GABRP: variants seen among roughly 807,000 people sequenced by gnomAD.
The protein encoded by GABRP is gamma-aminobutyric acid type A receptor subunit pi, also known as gamma-aminobutyric acid receptor subunit pi.
In GABRP, 52 loss-of-function variants were observed where a neutral mutation model predicts 47.8. The ratio of observed to expected loss-of-function variants is 1.09; its 90% CI spans 0.87 to 1.37. The LOEUF is 1.37. Among genes scored for constraint, GABRP ranks in the 40% most tolerant of loss-of-function variants. GABRP has a pLI of 0.00. For missense variants in GABRP, 525 were observed against 542.8 expected (o/e 0.97, Z 0.33); for synonymous variants, 221 against 205.8 (o/e 1.07, Z -0.63).
rs1765062352 is a variant in GABRP at position 170,783,843 on chromosome 5, A to C, written c.-74A>C. ...GAAGTCCTGCCTGTAGGCCTGAAGG[A>C]CTTGCCCTAACAGAGCCTCAACAAC... is the stretch of plus-strand genomic sequence containing the variant. On this transcript the variant is annotated 5_prime_UTR_variant, in exon 1 of 10. Transcript: ENST00000265294. The C allele has an allele frequency of 6.6e-6, 1 of 152,284 alleles. No individual in the cohort carries two copies. The highest frequency in any genetic ancestry group is 6.5e-5 in the Admixed American group (1 of 15,288). The allele number at this position is 152,284 out of a possible 1,614,324, so 9.4% of individuals were successfully genotyped here.
rs749077088 is a variant in GABRP at position 170,809,635 on chromosome 5, C to G, written c.900C>G (p.Asn300Lys). 6.2e-7 allele frequency: 1 copy of G among 1,614,216 alleles called. No homozygotes were observed. Among genetic ancestry groups the G allele is most frequent in the Non-Finnish European group, 8.5e-7 (1 of 1,180,042 alleles). Residue 300 changes from asparagine to lysine, a missense_variant, in exon 9 of 10, where the codon AAC becomes AAG. Asn to Lys is a moderately conservative substitution (Grantham distance 94). Transcript: ENST00000265294. ...IGSRTSLPNT[N>K]CFIKAIDVYL... ...CCCGCACTTCTCTTCCCAACACCAA[C>G]TGCTTCATCAAGGCCATCGATGTGT...
At chr5:170,787,426 G>T (rs546131777) in intron 1 of GABRP, among the ~76,000 whole-genome samples, 6 of 152,202 alleles carry the variant, frequency 3.9e-5, no homozygotes, top group African/African-American at 1.4e-4. Flanking sequence ...TCAGAGGGAC[G>T]CCTGACAGCA....
intron 6 of GABRP, among the ~76,000 whole-genome samples, chr5:170,799,068 A>T (rs1451157320): frequency 6.6e-6 from 1 of 151,452 alleles, no homozygotes; most frequent in Non-Finnish European, 1.5e-5. Flanking sequence ...GCTGAGAATG[A>T]TGGTTTCCAG....
intron 3 of GABRP, among the ~76,000 whole-genome samples, chr5:170,791,781 T>A (rs758135205): frequency 3.9e-5 from 6 of 152,208 alleles, no homozygotes; most frequent in African/African-American, 1.4e-4. Context: ...CTCTCAATGG[T>A]TGGCACTTGT....
At position 170,805,681 on chromosome 5, in the gene GABRP, C is replaced by A. The variant is rs200102540; in HGVS notation, c.542-35C>A. The stretch of plus-strand genomic sequence containing the variant: ...ACCAGACCAGTTCAATCTGGAACAC[C>A]CTTGCACTGACCAGGGCTCCATTTT... On this transcript the variant is annotated intron_variant, in intron 6 of 9. Coordinates refer to ENST00000265294, the MANE Select transcript of GABRP (RefSeq NM_014211.3). The A allele has an allele frequency of 5.0e-6, 8 of 1,612,758 alleles. No individual in the cohort carries two copies. The East Asian group carries it at 1.8e-4, about 36-fold the overall frequency.
At chr5:170,792,468 C>T (rs923336107) in intron 3 of GABRP, among the ~76,000 whole-genome samples, 1 of 151,396 alleles carries the variant, frequency 6.6e-6, no homozygotes, top group African/African-American at 2.4e-5. Context: ...GAAAGAAAGA[C>T]AGAAAAAGAA....
chr5:170,785,760 A>G (rs1765113983), intron 1 of GABRP, among the ~76,000 whole-genome samples: 1 of 152,224 alleles, frequency 6.6e-6, no homozygotes, highest in African/African-American at 2.4e-5. Flanking sequence ...AATGAGGAAT[A>G]TGCCAAAGTG....
intron 2 of GABRP, 151 bp downstream of exon 2, chr5:170,788,819 C>T: frequency 1.4e-6 from 1 of 731,128 alleles, no homozygotes; most frequent in Non-Finnish European, 2.4e-6. Flanking sequence ...AACTTCCTGC[C>T]ATTTACTCTA....
At chr5:170,786,860 A>AT (rs1765142154) in intron 1 of GABRP, among the ~76,000 whole-genome samples, 1 of 152,154 alleles carries the variant, frequency 6.6e-6, no homozygotes, top group African/African-American at 2.4e-5. Flanking sequence ...TTGCTTTTTA[A>AT]TTTTTTTGAT....
At chr5:170,792,529 G>A (rs1765303435) in intron 3 of GABRP, among the ~76,000 whole-genome samples, 1 of 152,216 alleles carries the variant, frequency 6.6e-6, no homozygotes, top group Admixed American at 6.5e-5. Flanking sequence ...TCACAAAGCT[G>A]TTAGGTGGCC....
At chr5:170,804,722 T>C (rs1021545617) in intron 6 of GABRP, among the ~76,000 whole-genome samples, 11 of 152,072 alleles carry the variant, frequency 7.2e-5, no homozygotes, top group African/African-American at 2.4e-4. Flanking sequence ...AATTGCTTAT[T>C]AAATGATAGG....
chr5:170,807,898 G>T (rs1284775340), intron 7 of GABRP, among the ~76,000 whole-genome samples: 4 of 152,112 alleles, frequency 2.6e-5, no homozygotes, highest in Non-Finnish European at 5.9e-5. Context: ...TGTTCCCAGA[G>T]GATAACCTCT....
Position 170,798,307 on chromosome 5 carries a change from C to T in GABRP, c.541+759C>T, listed in dbSNP as rs1765491083. ...CTGCCTGCCTCAGTCTCCCAAAGTG[C>T]TGAGATTACAGGCGTGAGCCACCGT... is the stretch of plus-strand genomic sequence containing the variant. On this transcript the variant is annotated intron_variant, in intron 6 of 9. Coordinates refer to ENST00000265294, the MANE Select transcript of GABRP (RefSeq NM_014211.3). Among the ~76,000 whole-genome samples the T allele has an allele frequency of 2.0e-5, 3 of 152,168 alleles. No individual in the cohort carries two copies. The South Asian group carries it at 6.2e-4, about 32-fold the overall frequency.
At chr5:170,794,744 G>A (rs941452386) in intron 4 of GABRP, among the ~76,000 whole-genome samples, 2 of 151,936 alleles carry the variant, frequency 1.3e-5, no homozygotes, top group African/African-American at 2.4e-5. Context: ...GAACATATTC[G>A]AGACAAGGGC....
chr5:170,800,339 A>T (rs1367510735), intron 6 of GABRP, among the ~76,000 whole-genome samples: 1 of 152,218 alleles, frequency 6.6e-6, no homozygotes, highest in Admixed American at 6.5e-5. Flanking sequence ...ATGAAAATTA[A>T]TTCAAGATGG....
At position 170,812,819 on chromosome 5, in the gene GABRP, A is replaced by T. The variant is rs953876497; in HGVS notation, c.*561A>T. On this transcript the variant is annotated 3_prime_UTR_variant, in exon 10 of 10. Transcript: ENST00000265294. ...AGTTTTTAAATAATGAATATTATTT[A>T]ATACCACAACAGAATTATCCCCAAT... The T allele has an allele frequency of 1.3e-5, 2 of 152,460 alleles. No homozygotes were observed. Among genetic ancestry groups the T allele is most frequent in the African/African-American group, 4.8e-5 (2 of 41,456 alleles). The allele number at this position is 152,460 out of a possible 1,614,324, so 9.4% of individuals were successfully genotyped here.
intron 6 of GABRP, among the ~76,000 whole-genome samples, chr5:170,800,383 A>T (rs568872048): frequency 3.9e-5 from 6 of 152,370 alleles, no homozygotes; most frequent in Admixed American, 2.0e-4. Flanking sequence ...TAAAACCATA[A>T]AAACCCTAGA....
intron 4 of GABRP, 177 bp downstream of exon 4, chr5:170,794,475 T>C (rs1765369380): frequency 2.4e-6 from 1 of 416,498 alleles, no homozygotes; most frequent in Non-Finnish European, 4.3e-6. Flanking sequence ...TGGGAGATTC[T>C]TGTAGAGCAG....
intron 3 of GABRP, among the ~76,000 whole-genome samples, chr5:170,792,059 T>C (rs1362864738): frequency 6.6e-6 from 1 of 152,162 alleles, no homozygotes; most frequent in Non-Finnish European, 1.5e-5. Flanking sequence ...CTTAACACTC[T>C]TACAATGGCA....
Sources: gnomAD v4.1 joint callset for allele counts (sites outside exome capture counted in the v4.1 genomes callset) on GRCh38, gnomAD v4.1.1 for gene constraint, MANE v1.5 for transcripts, NCBI Gene and HGNC (gene_info 2026-07-23, HGNC 2026-07-21) for gene names.